The following CFAP57 variants were observed in gnomAD, a reference collection of about 807,000 sequenced individuals.
CFAP57 encodes cilia and flagella associated protein 57, also known as cilia- and flagella-associated protein 57.
A neutral mutation model predicts 146.8 loss-of-function variants in CFAP57; 116 were observed. The observed-to-expected ratio is 0.79, with a 90% CI of 0.68 to 0.92. The LOEUF is 0.92. Among genes scored for constraint, CFAP57 ranks in the 40% least tolerant of loss-of-function variants. The pLI is 0.00. For missense variants in CFAP57, 1,377 were observed against 1,527.2 expected (o/e 0.90, Z 1.64); for synonymous variants, 518 against 552.8 (o/e 0.94, Z 0.88).
chr1:43,233,830 G>A (rs569953128), intron 19 of CFAP57, among the ~76,000 whole-genome samples: 13 of 152,300 alleles, frequency 8.5e-5, no homozygotes, highest in Admixed American at 2.6e-4. Context: ...CCTGACTATC[G>A]GGAAGGGTAA....
chr1:43,249,421 CTTTTTTTTTTT>C (rs60189164), intron 22 of CFAP57, among the ~76,000 whole-genome samples: 2 of 67,924 alleles, frequency 2.9e-5, no homozygotes, highest in Non-Finnish European at 2.9e-5. Flanking sequence ...TTAACCATTT[CTTTTTTTTTTT>C]TTTTTTTTTT....
At position 43,186,716 on chromosome 1, in the gene CFAP57, G is replaced by A. The variant is rs777635876; in HGVS notation, c.979G>A (p.Asp327Asn). The A allele has an allele frequency of 6.2e-7, 1 of 1,614,002 alleles. No individual in the cohort carries two copies. The highest frequency in any genetic ancestry group is 8.5e-7 in the Non-Finnish European group (1 of 1,179,972). Residue 327 changes from aspartate (D) to asparagine (N), a missense_variant, in exon 6 of 23, where the codon GAC (aspartate) becomes AAC (asparagine). Asp to Asn is a conservative substitution (Grantham distance 23, BLOSUM62 1). Transcript: ENST00000372492. Reference sequence around the variant, plus strand: ...TTTGCATTTTGGGCAGATTCCTGTGGACCCGCAGAGCAATGATCCAAGTCA... The same window carrying A: ...TTTGCATTTTGGGCAGATTCCTGTGAACCCGCAGAGCAATGATCCAAGTCA... The part of the protein sequence containing the change: ...RESREIRIPV[D>N]PQSNDPSQSD...
At chr1:43,226,054 T>C (rs1645231848) in intron 17 of CFAP57, among the ~76,000 whole-genome samples, 1 of 152,152 alleles carries the variant, frequency 6.6e-6, no homozygotes, top group Admixed American at 6.5e-5. Context: ...ATGCCTGTAA[T>C]CCAAGCTACT....
intron 22 of CFAP57, among the ~76,000 whole-genome samples, chr1:43,244,774 G>A (rs547638055): frequency 6.6e-5 from 10 of 152,050 alleles, no homozygotes; most frequent in South Asian, 2.1e-4. Context: ...GTGGTGGCGC[G>A]GGCCTGTAGT....
chr1:43,236,633 G>A (rs1299979738), intron 21 of CFAP57, among the ~76,000 whole-genome samples: 2 of 147,692 alleles, frequency 1.4e-5, no homozygotes, highest in African/African-American at 5.0e-5. Context: ...TTTCCAGCCG[G>A]GCGCAGTGGC....
chr1:43,246,394 TCAA>T (rs1030311250), intron 22 of CFAP57, among the ~76,000 whole-genome samples: 2 of 152,204 alleles, frequency 1.3e-5, no homozygotes, highest in Non-Finnish European at 2.9e-5. Context: ...CAAGTGATTG[TCAA>T]CAAGGGTACC....
intron 19 of CFAP57, 56 bp downstream of exon 19, chr1:43,232,680 C>A: frequency 7.6e-7 from 1 of 1,314,956 alleles, no homozygotes; most frequent in Non-Finnish European, 1.0e-6. Context: ...CACCTATCTG[C>A]AATGGGCAGC....
intron 2 of CFAP57, chr1:43,177,081 G>T (rs1283064656): frequency 4.4e-6 from 2 of 454,952 alleles, no homozygotes; most frequent in Non-Finnish European, 8.8e-6. Flanking sequence ...AGCCATAAAG[G>T]GGTGCGTTCT....
chr1:43,205,019 G>C (rs1038141148), intron 9 of CFAP57, among the ~76,000 whole-genome samples: 1 of 152,056 alleles, frequency 6.6e-6, no homozygotes, highest in African/African-American at 2.4e-5. Context: ...TATGTTAACG[G>C]GTCTTTGTGT....
intron 13 of CFAP57, 185 bp downstream of exon 13, chr1:43,219,722 A>G (rs1374573659): frequency 7.3e-6 from 5 of 686,574 alleles, no homozygotes; most frequent in African/African-American, 1.8e-5. Context: ...CATGCCTGTA[A>G]TCCCAGCACT....
chr1:43,190,241 T>A (rs1643412499), intron 6 of CFAP57, among the ~76,000 whole-genome samples: 1 of 150,220 alleles, frequency 6.7e-6, no homozygotes, highest in South Asian at 2.1e-4. Context: ...TTGTTCCTAA[T>A]CTTAGGGAGA....
Position 43,185,438 on chromosome 1 carries a change from C to T in CFAP57, c.969+82C>T, listed in dbSNP as rs959904954. ...CAGCAGCAGTTCTCTGAGAAGGCAT[C>T]TGATGGGGAGGGATAGGGCAGGATT... is the stretch of plus-strand genomic sequence containing the variant. On this transcript the variant is annotated intron_variant, in intron 5 of 22. Transcript: ENST00000372492. The T allele has an allele frequency of 3.8e-6, 5 of 1,312,830 alleles. No individual in the cohort carries two copies. In the African/African-American group the frequency reaches 7.3e-5, roughly 19 times the overall value. 81.3% of individuals were successfully genotyped at this position (1,312,830 alleles called of 1,614,324 possible). A position where few individuals can be genotyped will look rare whatever the true frequency, so the allele number is the denominator to read the frequency against.
chr1:43,172,479 C>T, intron 1 of CFAP57, 26 bp downstream of exon 1: 2 of 1,533,454 alleles, frequency 1.3e-6, no homozygotes, highest in Admixed American at 4.0e-5. Context: ...TGGGGGTCGC[C>T]AGAAGGAGCT....
In CFAP57 at chr1:43,222,837, T is replaced by C. The variant is rs1645100274; in HGVS notation, c.2546T>C (p.Val849Ala). The change falls in exon 16 of 23, where the codon GTC (valine) becomes GCC (alanine). Residue 849 changes from valine (V) to alanine (A), a missense_variant. Val to Ala is a moderately conservative substitution (Grantham distance 64, BLOSUM62 0). Coordinates refer to ENST00000372492, the MANE Select transcript of CFAP57 (RefSeq NM_001378189.1). ...TTLLEEAQED[V>A]RQQLREFEET... Reference sequence around the variant, plus strand: ...TCTCTGAGCCAGGCACAGGAAGACGTCAGGCAGCAGCTGCGGGAGTTTGAA... The same window carrying C: ...TCTCTGAGCCAGGCACAGGAAGACGCCAGGCAGCAGCTGCGGGAGTTTGAA... 2 of 1,544,264 alleles carry C rather than the reference T, an allele frequency of 1.3e-6. No homozygotes were observed. The highest frequency in any genetic ancestry group is 2.0e-5 in the Admixed American group (1 of 50,308).
At chr1:43,242,663 G>T (rs1645969761) in intron 21 of CFAP57, among the ~76,000 whole-genome samples, 1 of 152,190 alleles carries the variant, frequency 6.6e-6, no homozygotes, top group African/African-American at 2.4e-5. Flanking sequence ...GCAAATGAAT[G>T]AAAAATGAAT....
chr1:43,222,431 C>A, intron 15 of CFAP57, 136 bp downstream of exon 15: 1 of 746,222 alleles, frequency 1.3e-6, no homozygotes, highest in Non-Finnish European at 1.9e-6. Flanking sequence ...CCCCAAGGAA[C>A]TTATATCAAA....
chr1:43,190,582 T>C (rs895369018), intron 6 of CFAP57, among the ~76,000 whole-genome samples: 2 of 152,030 alleles, frequency 1.3e-5, no homozygotes, highest in African/African-American at 4.8e-5. Flanking sequence ...ATCCAGTCTT[T>C]AACGATTAAG....
intron 2 of CFAP57, among the ~76,000 whole-genome samples, chr1:43,181,217 G>A (rs1360911391): frequency 6.6e-6 from 1 of 152,074 alleles, no homozygotes; most frequent in Non-Finnish European, 1.5e-5. Context: ...GATTACAGGT[G>A]CCTGCCACCA....
At chr1:43,204,684 G>A (rs1209308672) in intron 9 of CFAP57, among the ~76,000 whole-genome samples, 1 of 152,158 alleles carries the variant, frequency 6.6e-6, no homozygotes, top group Admixed American at 6.5e-5. Context: ...TACAGATGGT[G>A]CATAAACCCC....
Sources: gnomAD v4.1 joint callset for allele counts (sites outside exome capture counted in the v4.1 genomes callset) on GRCh38, gnomAD v4.1.1 for gene constraint, MANE v1.5 for transcripts, NCBI Gene and HGNC (gene_info 2026-07-23, HGNC 2026-07-21) for gene names.